The following CFAP299 variants were observed in gnomAD, a reference collection of about 807,000 sequenced individuals.
The protein encoded by CFAP299 is cilia- and flagella-associated protein 299.
Under a neutral mutation model 27.0 loss-of-function variants are expected in CFAP299, and 21 were observed. The observed-to-expected ratio is 0.78, with a 90% CI of 0.55 to 1.12. The LOEUF (loss-of-function observed/expected upper bound fraction) is 1.12, where lower values mean the gene tolerates loss of function less well. Among genes scored for constraint, CFAP299 ranks in the 50% most tolerant of loss-of-function variants. The pLI is 0.00. For missense variants in CFAP299, 310 were observed against 276.6 expected (o/e 1.12, Z -0.86); for synonymous variants, 104 against 98.1 (o/e 1.06, Z -0.36).
intron 2 of CFAP299, among the ~76,000 whole-genome samples, chr4:80,376,967 G>A (rs1380856106): frequency 6.6e-6 from 1 of 152,126 alleles, no homozygotes; most frequent in Non-Finnish European, 1.5e-5. Flanking sequence ...CTTCTTTGGT[G>A]AAATGTTTTA....
chr4:80,641,352 A>G lies in CFAP299; in HGVS notation c.333+58169A>G, dbSNP rs930882213. ...CCCAAGTAGCTGGGACTACAGGCACACACCACCATGCCAGGCTAAGTTTTG... is the reference window on the plus strand; with the variant it reads ...CCCAAGTAGCTGGGACTACAGGCACGCACCACCATGCCAGGCTAAGTTTTG... On this transcript the variant is annotated intron_variant, in intron 3 of 5. Coordinates refer to ENST00000358105, the MANE Select transcript of CFAP299 (RefSeq NM_152770.3). 2.0e-5 allele frequency among the ~76,000 whole-genome samples: 3 copies of G among 151,914 alleles called. No individual in the cohort carries two copies. The South Asian group carries it at 6.2e-4, about 32-fold the overall frequency.
intron 3 of CFAP299, among the ~76,000 whole-genome samples, chr4:80,710,839 C>T (rs954467805): frequency 2.0e-5 from 3 of 152,094 alleles, no homozygotes; most frequent in Non-Finnish European, 2.9e-5. Flanking sequence ...TTATTGGGCT[C>T]CTTTTTTGTA....
chr4:80,595,760 A>G (rs1737028810), intron 3 of CFAP299, among the ~76,000 whole-genome samples: 1 of 152,216 alleles, frequency 6.6e-6, no homozygotes. Context: ...TCTGCAATCC[A>G]GTATGAAATA....
chr4:80,345,596 A>T (rs1324748794), intron 1 of CFAP299, among the ~76,000 whole-genome samples: 1 of 152,142 alleles, frequency 6.6e-6, no homozygotes, highest in Admixed American at 6.5e-5. Flanking sequence ...CCTACAAAGG[A>T]CATGAATGCA....
chr4:80,962,893 C>A (rs1467266285), intron 5 of CFAP299, among the ~76,000 whole-genome samples: 1 of 151,732 alleles, frequency 6.6e-6, no homozygotes, highest in African/African-American at 2.4e-5. Context: ...CTTTCTTCTC[C>A]CTTATCAATA....
intron 2 of CFAP299, among the ~76,000 whole-genome samples, chr4:80,479,723 T>TG (rs1386181439): frequency 6.6e-6 from 1 of 152,022 alleles, no homozygotes; most frequent in East Asian, 1.9e-4. Context: ...TAAGTAATTA[T>TG]GTAGAATGCT....
chr4:80,841,804 A>T (rs1015241311), intron 3 of CFAP299, among the ~76,000 whole-genome samples: 6 of 152,084 alleles, frequency 3.9e-5, no homozygotes, highest in Non-Finnish European at 5.9e-5. Context: ...ATATTGTCTT[A>T]TGTGACCAAA....
chr4:80,882,463 C>G (rs1010526529), intron 4 of CFAP299, among the ~76,000 whole-genome samples: 1 of 151,884 alleles, frequency 6.6e-6, no homozygotes, highest in Non-Finnish European at 1.5e-5. Context: ...ACGGTGAAAC[C>G]CCGTCTCTAC....
chr4:80,544,164 T>C (rs1396727359), intron 2 of CFAP299, among the ~76,000 whole-genome samples: 3 of 152,132 alleles, frequency 2.0e-5, no homozygotes, highest in Non-Finnish European at 2.9e-5. Flanking sequence ...CCAAGGGAAT[T>C]TGTTACCACT....
Position 80,798,564 on chromosome 4 carries a change from T to C in CFAP299, c.334-71429T>C, listed in dbSNP as rs370099073. Among the ~76,000 whole-genome samples the C allele has an allele frequency of 3.8e-3, 581 of 152,240 alleles. 1 individual carries two copies. The highest frequency in any genetic ancestry group is 0.01 in the Middle Eastern group (3 of 294). On this transcript the variant is annotated intron_variant, in intron 3 of 5. Coordinates refer to ENST00000358105, the MANE Select transcript of CFAP299 (RefSeq NM_152770.3). ...GCACCTTTCATTGCAGGTCAGCCAC[T>C]TGCATGATTAGAGCTTGTGTCTTTT...
At chr4:80,663,125 A>G (rs1051330852) in intron 3 of CFAP299, among the ~76,000 whole-genome samples, 3 of 151,918 alleles carry the variant, frequency 2.0e-5, no homozygotes, top group African/African-American at 7.2e-5. Context: ...CCATTTTTAA[A>G]ATTTTTTTAT....
rs1733688827 is a variant in CFAP299 at position 80,535,449 on chromosome 4, C to A, written c.243-47644C>A. Among the ~76,000 whole-genome samples the A allele has an allele frequency of 4.3e-5, 3 of 70,022 alleles. No individual in the cohort carries two copies. The South Asian group carries it at 1.8e-3, about 41-fold the overall frequency. The allele number at this position is 70,022 out of a possible 152,430, so 45.9% of individuals were successfully genotyped here. A position where few individuals can be genotyped will look rare whatever the true frequency, so the allele number is the denominator to read the frequency against. Reference sequence around the variant, plus strand: ...GGCGGAGCTTGCAGTGAGCCGAGATCCCGCCACTGCACTCCAGCCTGGGCG... The same window carrying A: ...GGCGGAGCTTGCAGTGAGCCGAGATACCGCCACTGCACTCCAGCCTGGGCG... On this transcript the variant is annotated intron_variant, in intron 2 of 5. Transcript: ENST00000358105.
chr4:80,512,694 G>C (rs980184859), intron 2 of CFAP299, among the ~76,000 whole-genome samples: 3 of 152,034 alleles, frequency 2.0e-5, no homozygotes, highest in Non-Finnish European at 4.4e-5. Context: ...AATTATGTTA[G>C]AGCTGTGGTG....
chr4:80,387,135 C>T (rs1725056417), intron 2 of CFAP299: 3 of 1,419,504 alleles, frequency 2.1e-6, no homozygotes, highest in Non-Finnish European at 3.0e-6. Flanking sequence ...ACACGTTTGA[C>T]ACACTTGTAG....
At chr4:80,465,439 G>T (rs1729654676) in intron 2 of CFAP299, among the ~76,000 whole-genome samples, 1 of 152,166 alleles carries the variant, frequency 6.6e-6, no homozygotes, top group South Asian at 2.1e-4. Context: ...GAGGGAGAAG[G>T]TTGCAGAGGG....
At chr4:80,321,809 T>C in the CFAP299 span, among the ~76,000 whole-genome samples, 1 of 152,172 alleles carries the variant, frequency 6.6e-6, no homozygotes, top group Non-Finnish European at 1.5e-5. Flanking sequence ...GCAAGTCCCG[T>C]TGGATGTGGA....
rs545185359 is a variant in CFAP299, at chr4:80,859,187, T to C, written c.334-10806T>C. Among the ~76,000 whole-genome samples the C allele has an allele frequency of 5.3e-3, 810 of 152,296 alleles. 8 individuals are homozygous for C. The highest frequency in any genetic ancestry group is 0.018 in the African/African-American group (768 of 41,558). On this transcript the variant is annotated intron_variant, in intron 3 of 5. Coordinates refer to ENST00000358105, the MANE Select transcript of CFAP299 (RefSeq NM_152770.3). ...TAATGGTCTTCTTTGTCTCTTTTGATCTTTGTTGGTTTAAAGTCTGTTTTA... is the reference window on the plus strand; with the variant it reads ...TAATGGTCTTCTTTGTCTCTTTTGACCTTTGTTGGTTTAAAGTCTGTTTTA...
intron 3 of CFAP299, among the ~76,000 whole-genome samples, chr4:80,803,619 T>C (rs1202645650): frequency 6.6e-6 from 1 of 151,732 alleles, no homozygotes; most frequent in East Asian, 1.9e-4. Flanking sequence ...CAGTTACATA[T>C]GCAACGTTAA....
chr4:80,574,621 G>A (rs1242342946), intron 2 of CFAP299, among the ~76,000 whole-genome samples: 2 of 152,014 alleles, frequency 1.3e-5, no homozygotes, highest in Non-Finnish European at 2.9e-5. Flanking sequence ...TTATTGTTTT[G>A]GGGGTATGTT....
Sources: gnomAD v4.1 joint callset for allele counts (sites outside exome capture counted in the v4.1 genomes callset) on GRCh38, gnomAD v4.1.1 for gene constraint, MANE v1.5 for transcripts, NCBI Gene and HGNC (gene_info 2026-07-23, HGNC 2026-07-21) for gene names.